Variants in ADAM9 observed in about 807,000 individuals in gnomAD.
The protein encoded by ADAM9 is ADAM metallopeptidase domain 9.
ADAM9 carries 54 observed loss-of-function variants against 108.1 expected under a neutral mutation model. The ratio of observed to expected loss-of-function variants is 0.50; its 90% CI spans 0.40 to 0.63. ADAM9 has a LOEUF of 0.63. Among genes scored for constraint, ADAM9 ranks in the 20% least tolerant of loss-of-function variants. ADAM9 has a pLI of 0.00. For synonymous variants in ADAM9, 316 were observed against 336.0 expected, an observed-to-expected ratio of 0.94 and a Z score of 0.65; for missense variants, 830 against 997.7, an observed-to-expected ratio of 0.83 and a Z score of 2.26.
chr8:39,038,492 C>T (rs534577434), intron 11 of ADAM9, among the ~76,000 whole-genome samples: 24 of 152,298 alleles, frequency 1.6e-4, no homozygotes, highest in Admixed American at 3.3e-4. Flanking sequence ...ATCCCTTCCT[C>T]TGCAGAGCTC....
At chr8:39,093,702 C>G (rs1404086147) in intron 20 of ADAM9, among the ~76,000 whole-genome samples, 2 of 152,124 alleles carry the variant, frequency 1.3e-5, no homozygotes, top group Admixed American at 1.3e-4. Flanking sequence ...TTTCATTGTT[C>G]AGTATGAAGT....
Position 39,055,783 on chromosome 8 carries a change from A to G in ADAM9, c.1591+11A>G, listed in dbSNP as rs780773423. The G allele has an allele frequency of 1.9e-6, 3 of 1,607,650 alleles. No individual in the cohort carries two copies. The highest frequency in any genetic ancestry group is 2.6e-6 in the Non-Finnish European group (3 of 1,175,098). On this transcript the variant is annotated intron_variant, in intron 14 of 21. Transcript: ENST00000487273. ...TCATCTTTGGCTCAAGTAAGATATCATCATTTATAATTGATTGCTTCGATA... is the reference window on the plus strand; with the variant it reads ...TCATCTTTGGCTCAAGTAAGATATCGTCATTTATAATTGATTGCTTCGATA...
rs577850609 is a variant in ADAM9 at position 39,025,787 on chromosome 8, T to C, written c.915-16T>C. 5 of 1,613,132 alleles carry C rather than the reference T, an allele frequency of 3.1e-6. No individual in the cohort carries two copies. In the Admixed American group the frequency reaches 6.7e-5, roughly 21 times the overall value. ...TTTCCCCAAGAACATTTTTTAACTTTTACATTTTCATTTAGAAAGAAAGGT... is the reference window on the plus strand; with the variant it reads ...TTTCCCCAAGAACATTTTTTAACTTCTACATTTTCATTTAGAAAGAAAGGT... On this transcript the variant is annotated splice_polypyrimidine_tract_variant and intron_variant, in intron 9 of 21. Transcript: ENST00000487273.
intron 5 of ADAM9, chr8:39,016,990 T>TC: frequency 1.9e-6 from 1 of 535,430 alleles, no homozygotes; most frequent in Non-Finnish European, 3.3e-6. Context: ...CGTAGATCAC[T>TC]CAGGGAGGTT....
chr8:39,007,278 A>G (rs1249316551), intron 1 of ADAM9, among the ~76,000 whole-genome samples: 1 of 152,182 alleles, frequency 6.6e-6, no homozygotes, highest in East Asian at 1.9e-4. Context: ...CCCCTCAGGG[A>G]TGGCATTACT....
chr8:39,059,252 A>G (rs963908878), intron 14 of ADAM9, among the ~76,000 whole-genome samples: 1 of 152,236 alleles, frequency 6.6e-6, no homozygotes, highest in East Asian at 1.9e-4. Context: ...CTATATCAAG[A>G]GTACGTGTGT....
chr8:39,043,446 G>GT (rs1364423375), intron 12 of ADAM9, among the ~76,000 whole-genome samples: 2 of 151,854 alleles, frequency 1.3e-5, no homozygotes, highest in Non-Finnish European at 2.9e-5. Flanking sequence ...GTTGTCTTTT[G>GT]TTTTTTTCCG....
At chr8:39,094,201 GTTTT>G (rs1174084683) in intron 20 of ADAM9, among the ~76,000 whole-genome samples, 1 of 152,120 alleles carries the variant, frequency 6.6e-6, no homozygotes, top group South Asian at 2.1e-4. Flanking sequence ...CTTCATTTCT[GTTTT>G]TTGTTTGTTA....
chr8:39,053,739 G>C (rs1334990095), intron 12 of ADAM9, among the ~76,000 whole-genome samples: 3 of 152,080 alleles, frequency 2.0e-5, no homozygotes, highest in African/African-American at 7.2e-5. Flanking sequence ...AGTATAGTGA[G>C]AGAAGCCAAG....
At chr8:39,005,223 G>A (rs568997992) in intron 1 of ADAM9, among the ~76,000 whole-genome samples, 10 of 152,226 alleles carry the variant, frequency 6.6e-5, no homozygotes, top group African/African-American at 1.7e-4. Flanking sequence ...TCTTGTATCC[G>A]GGGTAGAGAG....
chr8:39,025,593 G>A (rs956484542), intron 9 of ADAM9, among the ~76,000 whole-genome samples: 3 of 151,704 alleles, frequency 2.0e-5, no homozygotes, highest in African/African-American at 2.4e-5. Flanking sequence ...AACTTGTCTC[G>A]GTATCCAGAA....
intron 14 of ADAM9, among the ~76,000 whole-genome samples, chr8:39,056,341 T>A (rs766987466): frequency 7.3e-5 from 11 of 151,586 alleles, no homozygotes; most frequent in Non-Finnish European, 1.5e-4. Context: ...TGAGGCAGTT[T>A]TACCTTTTTT....
At chr8:39,081,241 A>G (rs543503801) in intron 16 of ADAM9, among the ~76,000 whole-genome samples, 2 of 151,326 alleles carry the variant, frequency 1.3e-5, no homozygotes, top group East Asian at 3.9e-4. Flanking sequence ...GAGCCACTGC[A>G]CCCGGTCCCC....
chr8:39,094,666 C>CA (rs1839446121), intron 20 of ADAM9, among the ~76,000 whole-genome samples: 1 of 151,916 alleles, frequency 6.6e-6, no homozygotes, highest in Non-Finnish European at 1.5e-5. Context: ...TTGTATGTTT[C>CA]TAGGAATTTA....
At chr8:39,083,728 T>A (rs1839094074) in intron 18 of ADAM9, among the ~76,000 whole-genome samples, 1 of 152,230 alleles carries the variant, frequency 6.6e-6, no homozygotes, top group Non-Finnish European at 1.5e-5. Flanking sequence ...CTGTTAGCAC[T>A]AATTGCTATA....
chr8:39,098,821 T>C lies in ADAM9; in HGVS notation c.2299-3042T>C, dbSNP rs537541337. ...TTGTGATGTTGATTGTAAACTCACC[T>C]TCTTTGGAACTTTATATTGGAAATA... On this transcript the variant is annotated intron_variant, in intron 20 of 21. Transcript: ENST00000487273. 7.2e-5 allele frequency among the ~76,000 whole-genome samples: 11 copies of C among 152,328 alleles called. No homozygotes were observed. The South Asian group carries it at 1.9e-3, about 26-fold the overall frequency.
At position 39,069,979 on chromosome 8, in the gene ADAM9, T is replaced by TA. The variant is rs869079193; in HGVS notation, c.1592-1295dup. On this transcript the variant is annotated intron_variant, in intron 14 of 21. Transcript: ENST00000487273. ...GCTGCATAGCAAGACCTTGTCTCAC[T>TA]AAAAAAAAAAAAAAAAAAAAAAAAT... Among the ~76,000 whole-genome samples the TA allele has an allele frequency of 4.5e-3, 530 of 117,318 alleles. 1 individual carries two copies. The highest frequency in any genetic ancestry group is 0.011 in the African/African-American group (340 of 30,560). 77.0% of individuals were successfully genotyped at this position (117,318 alleles called of 152,430 possible).
chr8:39,101,046 A>G (rs34185462), intron 20 of ADAM9, among the ~76,000 whole-genome samples: 36,076 of 152,134 alleles, frequency 0.24, 4,598 homozygotes, highest in South Asian at 0.31. Flanking sequence ...AGGTTTGGCA[A>G]TACATTTTGG....
intron 16 of ADAM9, among the ~76,000 whole-genome samples, chr8:39,078,362 C>CAA (rs56899480): frequency 0.013 from 1,697 of 132,158 alleles, 51 homozygotes; most frequent in African/African-American, 0.039. Context: ...GACTCTGTCT[C>CAA]AAAAAAAAAA....
Sources: gnomAD v4.1 joint callset for allele counts (sites outside exome capture counted in the v4.1 genomes callset) on GRCh38, gnomAD v4.1.1 for gene constraint, MANE v1.5 for transcripts, NCBI Gene and HGNC (gene_info 2026-07-23, HGNC 2026-07-21) for gene names.